FARS2: variants seen among roughly 807,000 people sequenced by gnomAD.
FARS2 encodes the protein phenylalanyl-tRNA synthetase 2, mitochondrial, also known as phenylalanine--tRNA ligase, mitochondrial.
FARS2 carries 40 observed loss-of-function variants against 46.4 expected under a neutral mutation model. The ratio of observed to expected loss-of-function variants is 0.86; its 90% CI spans 0.67 to 1.12. FARS2 has a LOEUF of 1.12. Among genes scored for constraint, FARS2 ranks in the 50% most tolerant of loss-of-function variants. The pLI is 0.00. For synonymous variants in FARS2, 234 were observed against 214.9 expected (o/e 1.09, Z -0.78); for missense variants, 513 against 567.9 (o/e 0.90, Z 0.98).
At chr6:5,728,488 G>A (rs1220646136) in intron 6 of FARS2, among the ~76,000 whole-genome samples, 3 of 152,110 alleles carry the variant, frequency 2.0e-5, no homozygotes, top group Non-Finnish European at 4.4e-5. Flanking sequence ...TTCTACTCAT[G>A]GAAAAAGGAT....
At position 5,719,454 on chromosome 6, in the gene FARS2, T is replaced by TG. The variant is rs1279449248; in HGVS notation, c.1218-51837_1218-51836insG. Among the ~76,000 whole-genome samples the TG allele has an allele frequency of 5.8e-3, 858 of 149,090 alleles. 2 individuals carry two copies. The highest frequency in any genetic ancestry group is 0.021 in the Middle Eastern group (6 of 290). Reference sequence around the variant, plus strand: ...GAAAGGAAAGAAAGAGAGAAAGAGATAAAGAAAAGAGAAGAAAAGAAAAAA... The same window carrying TG: ...GAAAGGAAAGAAAGAGAGAAAGAGATGAAAGAAAAGAGAAGAAAAGAAAAAA... On this transcript the variant is annotated intron_variant, in intron 6 of 6. Coordinates refer to ENST00000274680, the MANE Select transcript of FARS2 (RefSeq NM_006567.5).
At chr6:5,521,120 T>A (rs74519398) in intron 4 of FARS2, among the ~76,000 whole-genome samples, 4 of 149,436 alleles carry the variant, frequency 2.7e-5, no homozygotes, top group Admixed American at 6.8e-5. Context: ...TTATTTTTTT[T>A]ATTTATATTT....
intron 4 of FARS2, among the ~76,000 whole-genome samples, chr6:5,432,329 T>A (rs1474692424): frequency 0.027 from 914 of 34,428 alleles, 14 homozygotes; most frequent in South Asian, 0.057. Flanking sequence ...AAAAAAAAAA[T>A]ATATATATAT....
intron 1 of FARS2, among the ~76,000 whole-genome samples, chr6:5,336,213 T>C (rs1771147574): frequency 6.6e-6 from 1 of 152,072 alleles, no homozygotes; most frequent in Non-Finnish European, 1.5e-5. Context: ...AAAGGTAAGA[T>C]TGGCTTTTGG....
chr6:5,389,071 T>C (rs1395948012), intron 2 of FARS2, among the ~76,000 whole-genome samples: 1 of 152,182 alleles, frequency 6.6e-6, no homozygotes, highest in Non-Finnish European at 1.5e-5. Flanking sequence ...ACTCAGAGAG[T>C]AAGATTTTTC....
intron 2 of FARS2, among the ~76,000 whole-genome samples, chr6:5,380,299 C>T (rs529050892): frequency 8.5e-5 from 13 of 152,322 alleles, no homozygotes; most frequent in African/African-American, 2.6e-4. Context: ...TTACATTCTA[C>T]ATTTGTTGTT....
intron 5 of FARS2, among the ~76,000 whole-genome samples, chr6:5,581,035 C>A (rs967012664): frequency 1.2e-4 from 19 of 152,242 alleles, no homozygotes; most frequent in Middle Eastern, 3.2e-3. Context: ...ACAGAGCTTA[C>A]AGGAAGCTGA....
At chr6:5,690,188 T>C (rs11967537) in intron 6 of FARS2, among the ~76,000 whole-genome samples, 2,838 of 152,222 alleles carry the variant, frequency 0.019, 85 homozygotes, top group African/African-American at 0.065. Context: ...GAGCATTTAG[T>C]CCATTTACAT....
Position 5,528,431 on chromosome 6 carries a change from G to A in FARS2, c.905-16749G>A, listed in dbSNP as rs534519400. ...GTTTAAAGTGACCTCTTCTTCTTCT[G>A]TCACCCCATAGAACCTAATTTCTAA... On this transcript the variant is annotated intron_variant, in intron 4 of 6. Coordinates refer to ENST00000274680, the MANE Select transcript of FARS2 (RefSeq NM_006567.5). Among the ~76,000 whole-genome samples the A allele has an allele frequency of 4.6e-5, 7 of 152,208 alleles. No homozygotes were observed. The East Asian group carries it at 1.4e-3, about 29-fold the overall frequency.
rs148851167 is a variant in FARS2, at chr6:5,536,201, G to A, written c.905-8979G>A. On this transcript the variant is annotated intron_variant, in intron 4 of 6. Transcript: ENST00000274680. The stretch of plus-strand genomic sequence containing the variant: ...CAAGTAGCTGGGACTACAGGCTCCC[G>A]CCATGCCTGGCTAATTTTTTGTATT... 4.9e-3 allele frequency among the ~76,000 whole-genome samples: 743 copies of A among 152,016 alleles called. 2 individuals carry two copies. The highest frequency in any genetic ancestry group is 7.4e-3 in the Non-Finnish European group (502 of 67,930).
chr6:5,512,556 A>G (rs781607731), intron 4 of FARS2, among the ~76,000 whole-genome samples: 1 of 152,094 alleles, frequency 6.6e-6, no homozygotes, highest in Non-Finnish European at 1.5e-5. Context: ...AAGCTAAGGT[A>G]GATGGTTTGC....
At chr6:5,484,718 C>T (rs1766673951) in intron 4 of FARS2, among the ~76,000 whole-genome samples, 1 of 152,206 alleles carries the variant, frequency 6.6e-6, no homozygotes. Context: ...GTCCTCACAT[C>T]CCAGGAATCA....
chr6:5,301,788 A>G (rs952495938), intron 1 of FARS2, among the ~76,000 whole-genome samples: 4 of 138,000 alleles, frequency 2.9e-5, no homozygotes, highest in Admixed American at 7.5e-5. Context: ...GTAAGATGCT[A>G]TCTCACACAC....
chr6:5,368,878 G>A lies in FARS2; in HGVS notation c.308G>A (p.Gly103Asp). The part of the protein sequence containing the change: ...VKEHFYKQYV[G>D]RFGTPLFSVY... ...GAGCACTTCTACAAGCAGTATGTGGGCCGCTTTGGGACCCCGTTGTTCTCG... is the reference window on the plus strand; with the variant it reads ...GAGCACTTCTACAAGCAGTATGTGGACCGCTTTGGGACCCCGTTGTTCTCG... The change falls in exon 2 of 7, where the codon GGC becomes GAC. Residue 103 changes from glycine to aspartate, a missense_variant. Gly to Asp is a moderately conservative substitution (Grantham distance 94, BLOSUM62 -1). Transcript: ENST00000274680. 5.6e-6 allele frequency: 9 copies of A among 1,614,148 alleles called. No homozygotes were observed. The highest frequency in any genetic ancestry group is 7.6e-6 in the Non-Finnish European group (9 of 1,180,024).
chr6:5,620,677 C>T (rs899439170), intron 6 of FARS2, among the ~76,000 whole-genome samples: 1 of 152,214 alleles, frequency 6.6e-6, no homozygotes, highest in African/African-American at 2.4e-5. Context: ...ACCTGGGCCC[C>T]GAGTCCACAT....
upstream of FARS2, chr6:5,260,605 CCCCTG>C: frequency 4.9e-6 from 4 of 822,280 alleles, no homozygotes; most frequent in Non-Finnish European, 5.8e-6. Flanking sequence ...CGGTCCCCGG[CCCCTG>C]GCCCCCCGCC....
intron 6 of FARS2, among the ~76,000 whole-genome samples, chr6:5,658,936 A>G (rs1777723097): frequency 6.6e-6 from 1 of 152,248 alleles, no homozygotes; most frequent in Admixed American, 6.5e-5. Context: ...CTTAGCTGCC[A>G]GGCGCCCCAA....
chr6:5,514,656 C>CT (rs889817227), intron 4 of FARS2, among the ~76,000 whole-genome samples: 10 of 152,208 alleles, frequency 6.6e-5, no homozygotes, highest in African/African-American at 2.4e-4. Flanking sequence ...TGACAACTCT[C>CT]TTTCCAAATG....
intron 6 of FARS2, among the ~76,000 whole-genome samples, chr6:5,706,915 A>G (rs1037459850): frequency 3.9e-5 from 6 of 152,220 alleles, no homozygotes; most frequent in African/African-American, 1.4e-4. Flanking sequence ...TGTTGTTTCC[A>G]TGTCACAGTC....
Sources: allele counts gnomAD v4.1 joint callset (sites outside exome capture counted in the v4.1 genomes callset), GRCh38; gene constraint gnomAD v4.1.1; transcripts MANE v1.5; gene names NCBI Gene and HGNC (gene_info 2026-07-23, HGNC 2026-07-21).